The following CELF2 variants were observed in gnomAD, a reference collection of about 807,000 sequenced individuals.
CELF2 encodes the protein CUG triplet repeat RNA-binding protein 2.
CELF2 carries 8 observed loss-of-function variants against 62.6 expected under a neutral mutation model. The observed-to-expected ratio is 0.13, with a 90% CI of 0.07 to 0.23. The LOEUF is 0.23. Ranked by LOEUF, CELF2 falls within the 10% of genes least tolerant of loss-of-function variation. The pLI, the probability that CELF2 is intolerant of heterozygous loss-of-function variation, is 1.00. For synonymous variants in CELF2, 258 were observed against 250.0 expected (o/e 1.03, Z -0.30); for missense variants, 333 against 671.0 (o/e 0.50, Z 5.56).
chr10:11,150,372 A>C (rs904027237), intron 1 of CELF2, among the ~76,000 whole-genome samples: 2 of 152,228 alleles, frequency 1.3e-5, no homozygotes, highest in Non-Finnish European at 2.9e-5. Context: ...CATGTCTTAG[A>C]GGAACTTGCG....
intron 2 of CELF2, among the ~76,000 whole-genome samples, chr10:10,959,614 A>G (rs1333495011): frequency 6.6e-6 from 1 of 152,234 alleles, no homozygotes; most frequent in Non-Finnish European, 1.5e-5. Context: ...TCTGCAGCCC[A>G]TGTTGGTTAG....
intron 1 of CELF2, among the ~76,000 whole-genome samples, chr10:10,860,580 A>G (rs545740311): frequency 1.3e-5 from 2 of 152,356 alleles, no homozygotes; most frequent in African/African-American, 4.8e-5. Flanking sequence ...TTTTTATACA[A>G]TGATACTTGG....
chr10:11,119,333 G>A (rs560477772), intron 1 of CELF2, among the ~76,000 whole-genome samples: 7 of 152,306 alleles, frequency 4.6e-5, no homozygotes, highest in African/African-American at 1.7e-4. Flanking sequence ...ACAATCCTGT[G>A]TCCTAAGGAC....
At chr10:10,562,522 G>C in the CELF2 span, among the ~76,000 whole-genome samples, 3 of 152,152 alleles carry the variant, frequency 2.0e-5, no homozygotes, top group Non-Finnish European at 4.4e-5. Flanking sequence ...AATTTGCAGA[G>C]AGTAGTGGCA....
At chr10:10,705,365 T>C in the CELF2 span, among the ~76,000 whole-genome samples, 2 of 51,096 alleles carry the variant, frequency 3.9e-5, no homozygotes, top group Non-Finnish European at 9.2e-5. Context: ...TCCTTCCCTA[T>C]TAAAAAAAAA....
the CELF2 span, among the ~76,000 whole-genome samples, chr10:10,703,325 G>T: frequency 1.3e-5 from 2 of 152,164 alleles, no homozygotes; most frequent in Non-Finnish European, 2.9e-5. Flanking sequence ...CAGCTAGTCC[G>T]TGTTCACTTG....
rs117789720 is a variant in CELF2 at position 10,911,316 on chromosome 10, G to A, written c.54-8648G>A. On this transcript the variant is annotated intron_variant, in intron 1 of 13. Transcript: ENST00000636488. ...ACTTGAGCACAAGGGCAGGGACAAA[G>A]GCACACACTTGTGGCTCTTTTATAG... Among the ~76,000 whole-genome samples, 64 of 152,332 alleles carry A rather than the reference G, an allele frequency of 4.2e-4. No homozygotes were observed. The East Asian group carries it at 0.011, about 25-fold the overall frequency.
chr10:10,532,101 C>G, the CELF2 span, among the ~76,000 whole-genome samples: 1 of 152,252 alleles, frequency 6.6e-6, no homozygotes, highest in African/African-American at 2.4e-5. Context: ...GTGAAAGGTA[C>G]TCAAGTTCTT....
the CELF2 span, among the ~76,000 whole-genome samples, chr10:10,634,764 C>T: frequency 4.6e-3 from 701 of 151,434 alleles, 10 homozygotes; most frequent in Non-Finnish European, 4.5e-3. Flanking sequence ...CGGGTTCAAG[C>T]GATTCTCCTG....
the CELF2 span, among the ~76,000 whole-genome samples, chr10:10,517,170 G>A: frequency 6.6e-6 from 1 of 152,070 alleles, no homozygotes; most frequent in East Asian, 1.9e-4. Flanking sequence ...TACAATTACT[G>A]GAATCATAGA....
At chr10:10,550,576 T>A in the CELF2 span, among the ~76,000 whole-genome samples, 1 of 152,166 alleles carries the variant, frequency 6.6e-6, no homozygotes, top group Admixed American at 6.5e-5. Context: ...CATAAGGTAA[T>A]GAGGTGTGAT....
intron 9 of CELF2, among the ~76,000 whole-genome samples, chr10:11,313,684 G>A (rs2094714325): frequency 6.6e-6 from 1 of 151,716 alleles, no homozygotes; most frequent in Non-Finnish European, 1.5e-5. Context: ...AGAAAAATAG[G>A]AACACTCTCC....
chr10:11,142,712 G>T (rs2061561826), intron 1 of CELF2, among the ~76,000 whole-genome samples: 3 of 149,976 alleles, frequency 2.0e-5, no homozygotes, highest in Admixed American at 6.7e-5. Context: ...AAGCAGATGG[G>T]CTGTCATAAA....
chr10:10,827,131 C>T (rs1803482557), intron 1 of CELF2, among the ~76,000 whole-genome samples: 1 of 151,780 alleles, frequency 6.6e-6, no homozygotes, highest in South Asian at 2.1e-4. Context: ...GTTTGTTTTG[C>T]AGGAGTTAGA....
Position 11,269,057 on chromosome 10 carries a change from G to A in CELF2, c.619-1609G>A, listed in dbSNP as rs2082972758. On this transcript the variant is annotated intron_variant, in intron 6 of 12. Transcript: ENST00000633077. The surrounding 1 kb of genome is among the most constrained non-coding windows in gnomAD (Gnocchi z 4.4). ...AAATAGATGTTCTGTTAGGAGAGAT[G>A]CTATAATTTGTTATGGAACAAATTT... is the stretch of plus-strand genomic sequence containing the variant. 6.6e-6 allele frequency among the ~76,000 whole-genome samples: 1 copy of A among 152,106 alleles called. No individual in the cohort carries two copies. Among genetic ancestry groups the A allele is most frequent in the Non-Finnish European group, 1.5e-5 (1 of 68,028 alleles).
the CELF2 span, among the ~76,000 whole-genome samples, chr10:10,503,275 T>A: frequency 6.6e-6 from 1 of 152,040 alleles, no homozygotes; most frequent in African/African-American, 2.4e-5. Flanking sequence ...TTCTTGTGTA[T>A]CCTTGCTAAT....
the CELF2 span, among the ~76,000 whole-genome samples, chr10:10,561,299 T>C: frequency 1.3e-5 from 2 of 152,134 alleles, no homozygotes; most frequent in Admixed American, 1.3e-4. Flanking sequence ...GGGAGAAGAC[T>C]AGTGGATATG....
chr10:10,957,908 A>T lies in CELF2; in HGVS notation c.89+37909A>T, dbSNP rs2049073376. Among the ~76,000 whole-genome samples the T allele has an allele frequency of 6.6e-6, 1 of 152,214 alleles. No homozygotes were observed. Among genetic ancestry groups the T allele is most frequent in the South Asian group, 2.1e-4 (1 of 4,830 alleles). ...ACTTGAATCACTTCAGATTGTTTCG[A>T]AGAAAATCATTTTATGTCACCATTT... is the stretch of plus-strand genomic sequence containing the variant. On this transcript the variant is annotated intron_variant, in intron 2 of 13. Coordinates refer to the CELF2 transcript ENST00000636488. The surrounding 1 kb of genome is among the most constrained non-coding windows in gnomAD (Gnocchi z 4.1).
chr10:11,195,489 A>C (rs2057221992), intron 2 of CELF2, among the ~76,000 whole-genome samples: 1 of 152,174 alleles, frequency 6.6e-6, no homozygotes, highest in African/African-American at 2.4e-5. Context: ...ACATCCATCC[A>C]GGCGGATGGC....
Sources: allele counts gnomAD v4.1 joint callset (sites outside exome capture counted in the v4.1 genomes callset), GRCh38; gene constraint gnomAD v4.1.1; non-coding constraint Gnocchi (gnomAD v3.1); transcripts MANE v1.5; gene names NCBI Gene and HGNC (gene_info 2026-07-23, HGNC 2026-07-21).